Variants in SMARCE1 observed in about 807,000 individuals in gnomAD.
SMARCE1 encodes the protein SWI/SNF related BAF chromatin remodeling complex subunit E1.
In SMARCE1, 13 loss-of-function variants were observed where a neutral mutation model predicts 54.9. The observed-to-expected ratio is 0.24, with a 90% CI of 0.15 to 0.38. The LOEUF is 0.38. Among genes scored for constraint, SMARCE1 ranks in the 10% least tolerant of loss-of-function variants. The pLI is 1.00. For synonymous variants in SMARCE1, 151 were observed against 175.3 expected (o/e 0.86, Z 1.10); for missense variants, 295 against 523.8 (o/e 0.56, Z 4.26).
At chr17:40,636,142 TG>T in intron 6 of SMARCE1, 40 bp from the exon 7 acceptor site, 4 of 1,529,900 alleles carry the variant, frequency 2.6e-6, no homozygotes, top group Non-Finnish European at 3.6e-6. Flanking sequence ...ATTAACATTT[TG>T]CAGGTTATAA....
intron 5 of SMARCE1, 119 bp from the exon 6 acceptor site, chr17:40,636,645 T>C (rs2037148360): frequency 2.7e-6 from 2 of 746,830 alleles, no homozygotes; most frequent in South Asian, 3.7e-5. Context: ...ATCAAATTTC[T>C]AGGTACTCAT....
At chr17:40,646,788 A>G (rs544496788) in intron 1 of SMARCE1, among the ~76,000 whole-genome samples, 1 of 152,332 alleles carries the variant, frequency 6.6e-6, no homozygotes, top group Admixed American at 6.5e-5. Context: ...TTGCAACCAA[A>G]CATGTGGAAT....
In SMARCE1 at chr17:40,642,184, T is replaced by C; in HGVS notation, c.156+271A>G. On this transcript the variant is annotated intron_variant, in intron 4 of 10. Transcript: ENST00000348513. This position sits in a 1 kb window ranked among gnomAD's most constrained non-coding sequence, Gnocchi z 4.6. ...TTTTACCTTAAGAAATTCTGTTTGT[T>C]TACATACAGTATAAGCATCAAGTGC... The C allele has an allele frequency of 1.8e-6, 1 of 556,964 alleles. No homozygotes were observed. The highest frequency in any genetic ancestry group is 3.1e-6 in the Non-Finnish European group (1 of 319,396). 34.5% of individuals were successfully genotyped at this position (556,964 alleles called of 1,614,324 possible). A position where few individuals can be genotyped will look rare whatever the true frequency, so the allele number is the denominator to read the frequency against.
chr17:40,643,696 T>G (rs1475457722), intron 3 of SMARCE1: 1 of 152,188 alleles, frequency 6.6e-6, no homozygotes, highest in Non-Finnish European at 1.5e-5. Flanking sequence ...ACATTCCAAC[T>G]AAGCTGTAGC....
chr17:40,634,365 A>G (rs2143992564), intron 7 of SMARCE1: 1 of 152,524 alleles, frequency 6.6e-6, no homozygotes, highest in South Asian at 2.1e-4. Flanking sequence ...ACTCTTGGCC[A>G]CAAACGATCC....
chr17:40,636,121 T>C lies in SMARCE1; in HGVS notation c.370-19A>G. The C allele has an allele frequency of 5.1e-6, 8 of 1,582,390 alleles. No individual in the cohort carries two copies. Among genetic ancestry groups the C allele is most frequent in the Non-Finnish European group, 6.9e-6 (8 of 1,165,776 alleles). ...ACTCTATCTGAAATTCAAATGTTTT[T>C]TGGTTTTATAATTAACATTTTGCAG... On this transcript the variant is annotated intron_variant, in intron 6 of 10. Transcript: ENST00000348513.
At chr17:40,629,126 G>T in intron 10 of SMARCE1, 133 bp from the exon 11 acceptor site, 1 of 677,898 alleles carries the variant, frequency 1.5e-6, no homozygotes, top group Non-Finnish European at 2.5e-6. Context: ...AAATGAACCA[G>T]TGTGACTAAA....
At chr17:40,630,359 A>G (rs1025737642) in intron 10 of SMARCE1, 1 of 725,358 alleles carries the variant, frequency 1.4e-6, no homozygotes. Flanking sequence ...ACTCAACTAT[A>G]CTGTTTTATC....
At chr17:40,636,300 T>C (rs1157392482) in intron 6 of SMARCE1, 95 bp downstream of exon 6, 2 of 1,340,402 alleles carry the variant, frequency 1.5e-6, no homozygotes, top group Non-Finnish European at 2.1e-6. Context: ...ACTGCATCAG[T>C]GTTCTGACCA....
rs2037048410 is a variant in SMARCE1, at chr17:40,627,602, C to G, written c.*1183G>C. ...GGGTGAGACAAGGGCCCTGAGTACACAAATTTATAATGGCTGAGTGGTCAT... is the reference window on the plus strand; with the variant it reads ...GGGTGAGACAAGGGCCCTGAGTACAGAAATTTATAATGGCTGAGTGGTCAT... On this transcript the variant is annotated 3_prime_UTR_variant, in exon 11 of 11. Transcript: ENST00000348513. 6.6e-6 allele frequency: 1 copy of G among 152,548 alleles called. No homozygotes were observed. Among genetic ancestry groups the G allele is most frequent in the African/African-American group, 2.4e-5 (1 of 41,444 alleles). 9.4% of individuals were successfully genotyped at this position (152,548 alleles called of 1,614,324 possible).
At chr17:40,637,471 T>C (rs551399099) in intron 5 of SMARCE1, 21 bp downstream of exon 5, 61 of 1,583,846 alleles carry the variant, frequency 3.9e-5, no homozygotes, top group Admixed American at 3.0e-4. Context: ...CCTCACTCCT[T>C]ACCAGGTCCT....
chr17:40,645,278 A>G, intron 3 of SMARCE1: 2 of 407,218 alleles, frequency 4.9e-6, no homozygotes, highest in Non-Finnish European at 4.3e-6. Flanking sequence ...TTAATAGTGA[A>G]GATTAATAAG....
intron 5 of SMARCE1, chr17:40,636,734 C>CA: frequency 2.2e-6 from 1 of 456,330 alleles, no homozygotes; most frequent in Non-Finnish European, 3.9e-6. Context: ...AGATAGATCT[C>CA]AGACATCACG....
At chr17:40,639,082 T>C (rs2037171744) in intron 4 of SMARCE1, among the ~76,000 whole-genome samples, 1 of 152,172 alleles carries the variant, frequency 6.6e-6, no homozygotes, top group South Asian at 2.1e-4. Context: ...CTCATGCTAG[T>C]GCCCAGGTAG....
At chr17:40,641,314 TTC>T (rs1343499786) in intron 4 of SMARCE1, 3 of 152,240 alleles carry the variant, frequency 2.0e-5, no homozygotes, top group Non-Finnish European at 4.4e-5. Context: ...TTTGTCAGAA[TTC>T]TTTTTCAGAT....
Position 40,642,540 on chromosome 17 carries a change from C to G in SMARCE1, c.71G>C (p.Gly24Ala). ...APATQMPSTP[G>A]FVGYNPYSHL... ...ACTGTATGGATTGTATCCCACAAAC[C>G]CTGGTGTGCTGGGCATTTGCTGATG... The change falls in exon 4 of 11, where the codon GGG (glycine) becomes GCG (alanine). Residue 24 changes from glycine (G) to alanine (A), a missense_variant. Gly to Ala is a moderately conservative substitution (Grantham distance 60). This residue lies in a region of SMARCE1 where 30 missense variants were observed against 91.3 expected (regional missense o/e 0.33). Coordinates refer to ENST00000348513, the MANE Select transcript of SMARCE1 (RefSeq NM_003079.5). This position sits in a 1 kb window ranked among gnomAD's most constrained non-coding sequence, Gnocchi z 4.6. The G allele has an allele frequency of 6.2e-7, 1 of 1,609,118 alleles. No individual in the cohort carries two copies. Among genetic ancestry groups the G allele is most frequent in the Non-Finnish European group, 8.5e-7 (1 of 1,177,514 alleles).
At position 40,626,926 on chromosome 17, in the gene SMARCE1, G is replaced by A. The variant is rs1436897376; in HGVS notation, c.*1859C>T. The A allele has an allele frequency of 6.8e-6, 1 of 146,698 alleles. No individual in the cohort carries two copies. Among genetic ancestry groups the A allele is most frequent in the Admixed American group, 6.9e-5 (1 of 14,500 alleles). 9.1% of individuals were successfully genotyped at this position (146,698 alleles called of 1,614,324 possible). A position where few individuals can be genotyped will look rare whatever the true frequency, so the allele number is the denominator to read the frequency against. On this transcript the variant is annotated 3_prime_UTR_variant, in exon 11 of 11. Coordinates refer to ENST00000348513, the MANE Select transcript of SMARCE1 (RefSeq NM_003079.5). ...TTGCCAGTGTTGTATGGACAGGCTT[G>A]GTCTGGATAGACTTGTCTTCCCACT...
At chr17:40,640,734 C>A (rs974661016) in intron 4 of SMARCE1, 1 of 152,132 alleles carries the variant, frequency 6.6e-6, no homozygotes, top group South Asian at 2.1e-4. Context: ...GTTAAGAGGA[C>A]AATAATACAA....
At chr17:40,645,254 CAACTT>C (rs2037243587) in intron 3 of SMARCE1, 1 of 386,186 alleles carries the variant, frequency 2.6e-6, no homozygotes, top group African/African-American at 2.1e-5. Flanking sequence ...CACTCAGTAA[CAACTT>C]AAAGACTCTT....
Sources: gnomAD v4.1 joint callset for allele counts (sites outside exome capture counted in the v4.1 genomes callset) on GRCh38, gnomAD v4.1.1 for gene constraint, gnomAD v4.1.1 regional missense constraint, Gnocchi (gnomAD v3.1) non-coding constraint, MANE v1.5 for transcripts, NCBI Gene and HGNC (gene_info 2026-07-23, HGNC 2026-07-21) for gene names.